The following SLCO3A1 variants were observed in gnomAD, a reference collection of about 807,000 sequenced individuals.
SLCO3A1 encodes the protein solute carrier organic anion transporter family member 3A1.
A neutral mutation model predicts 63.1 loss-of-function variants in SLCO3A1; 27 were observed. The observed-to-expected ratio is 0.43, with a 90% CI of 0.32 to 0.59. The LOEUF (loss-of-function observed/expected upper bound fraction) is 0.59, where lower values mean the gene tolerates loss of function less well. SLCO3A1 is among the 20% of genes least tolerant of loss of function. The pLI, the probability that SLCO3A1 is intolerant of heterozygous loss-of-function variation, is 0.09. For synonymous variants in SLCO3A1, 473 were observed against 409.9 expected (o/e 1.15, Z -1.86); for missense variants, 773 against 945.8 (o/e 0.82, Z 2.40).
intron 1 of SLCO3A1, among the ~76,000 whole-genome samples, chr15:91,889,797 A>G (rs1797127347): frequency 6.6e-6 from 1 of 152,250 alleles, no homozygotes; most frequent in Admixed American, 6.5e-5. Flanking sequence ...TGCATCATTC[A>G]TAACTGTTGT....
chr15:92,162,657 A>C, intron 9 of SLCO3A1, 99 bp from the exon 10 acceptor site: 1 of 1,505,772 alleles, frequency 6.6e-7, no homozygotes, highest in East Asian at 2.3e-5. Flanking sequence ...AGTCAGACAT[A>C]TTTGCCTAGC....
chr15:92,165,088 C>G lies in SLCO3A1; in HGVS notation c.*1953C>G, dbSNP rs2048482706. On this transcript the variant is annotated 3_prime_UTR_variant, in exon 10 of 10. Coordinates refer to ENST00000318445, the MANE Select transcript of SLCO3A1 (RefSeq NM_013272.4). Reference sequence around the variant, plus strand: ...GGTATGGTACCGAATTTTTAATGAACATTGTAAATGAAGAGGCTTGAATGA... The same window carrying G: ...GGTATGGTACCGAATTTTTAATGAAGATTGTAAATGAAGAGGCTTGAATGA... 1 of 985,140 alleles carries G rather than the reference C, an allele frequency of 1.0e-6. No individual in the cohort carries two copies. Among genetic ancestry groups the G allele is most frequent in the African/African-American group, 1.7e-5 (1 of 57,200 alleles). 61.0% of individuals were successfully genotyped at this position (985,140 alleles called of 1,614,324 possible). A position where few individuals can be genotyped will look rare whatever the true frequency, so the allele number is the denominator to read the frequency against.
At chr15:91,931,645 A>G (rs1269288856) in intron 2 of SLCO3A1, among the ~76,000 whole-genome samples, 2 of 151,756 alleles carry the variant, frequency 1.3e-5, no homozygotes, top group South Asian at 2.1e-4. Context: ...TAATTTTTGT[A>G]TTTTTGGTAG....
intron 2 of SLCO3A1, among the ~76,000 whole-genome samples, chr15:92,022,058 G>T (rs140544018): frequency 5.4e-4 from 82 of 152,274 alleles, no homozygotes; most frequent in African/African-American, 1.9e-3. Flanking sequence ...AGGAAATCCT[G>T]TCTGAAACCA....
intron 2 of SLCO3A1, among the ~76,000 whole-genome samples, chr15:91,998,929 A>G (rs1243989645): frequency 6.6e-6 from 1 of 152,250 alleles, no homozygotes; most frequent in Non-Finnish European, 1.5e-5. Context: ...GAAAATGTGC[A>G]TATACATCAT....
rs528007852 is a variant in SLCO3A1, at chr15:91,963,411, G to C, written c.646+46953G>C. ...TGAGGGTTTAACTCGGGGAGGGTGG[G>C]GGGGGGGGGCGGCAGCAGCCTGGGG... On this transcript the variant is annotated intron_variant, in intron 2 of 9. Transcript: ENST00000318445. Among the ~76,000 whole-genome samples the C allele has an allele frequency of 4.3e-4, 52 of 120,548 alleles. 2 individuals carry two copies. The highest frequency in any genetic ancestry group is 5.7e-4 in the Non-Finnish European group (33 of 57,882). 79.1% of individuals were successfully genotyped at this position (120,548 alleles called of 152,430 possible).
chr15:91,889,096 T>C lies in SLCO3A1; in HGVS notation c.181-26897T>C. ...TAGCTAACATTTGTGTACTTGTTAT[T>C]ACAGAATAAATATATTCCAGCTAAG... On this transcript the variant is annotated intron_variant, in intron 1 of 9. Transcript: ENST00000318445. The C allele has an allele frequency of 2.5e-6, 3 of 1,184,472 alleles. No homozygotes were observed. In the South Asian group the frequency reaches 4.3e-5, roughly 17 times the overall value. The allele number at this position is 1,184,472 out of a possible 1,614,324, so 73.4% of individuals were successfully genotyped here. A position where few individuals can be genotyped will look rare whatever the true frequency, so the allele number is the denominator to read the frequency against.
At chr15:92,068,205 T>C (rs572211888) in intron 2 of SLCO3A1, among the ~76,000 whole-genome samples, 259 of 152,354 alleles carry the variant, frequency 1.7e-3, no homozygotes, top group Non-Finnish European at 3.1e-3. Context: ...AAGCTATTTG[T>C]GTCTTTCATA....
chr15:92,060,888 T>C lies in SLCO3A1; in HGVS notation c.647-33993T>C, dbSNP rs149917645. ...TAAAACATACACATTAACCTTGGCC[T>C]ACCCAGAATCAGGATCATCAAGACA... On this transcript the variant is annotated intron_variant, in intron 2 of 9. Coordinates refer to ENST00000318445, the MANE Select transcript of SLCO3A1 (RefSeq NM_013272.4). Among the ~76,000 whole-genome samples the C allele has an allele frequency of 3.5e-4, 53 of 152,348 alleles. No homozygotes were observed. The East Asian group carries it at 0.01, about 29-fold the overall frequency.
At chr15:91,970,610 T>C (rs1266280453) in intron 2 of SLCO3A1, among the ~76,000 whole-genome samples, 1 of 152,196 alleles carries the variant, frequency 6.6e-6, no homozygotes, top group Non-Finnish European at 1.5e-5. Context: ...GGAGCCCTAA[T>C]GAAACAACAT....
In SLCO3A1 at chr15:91,856,063, T is replaced by C. The variant is rs768492100; in HGVS notation, c.180+1975T>C. 6.6e-6 allele frequency among the ~76,000 whole-genome samples: 1 copy of C among 151,798 alleles called. No homozygotes were observed. Among genetic ancestry groups the C allele is most frequent in the African/African-American group, 2.4e-5 (1 of 41,284 alleles). ...AGAAAGTTAAGAAGCCGAGTACTCC[T>C]GGAGTGGTGGACTTCTGGAGGCAGG... On this transcript the variant is annotated intron_variant, in intron 1 of 9. Transcript: ENST00000318445. This position sits in a 1 kb window ranked among gnomAD's most constrained non-coding sequence, Gnocchi z 4.9.
At chr15:91,951,077 G>T (rs1006701273) in intron 2 of SLCO3A1, among the ~76,000 whole-genome samples, 11 of 152,134 alleles carry the variant, frequency 7.2e-5, no homozygotes, top group Non-Finnish European at 2.9e-5. Flanking sequence ...TATTGAGATA[G>T]AATTCACATA....
In SLCO3A1 at chr15:92,095,994, T is replaced by G. The variant is rs145400359; in HGVS notation, c.745+1015T>G. Among the ~76,000 whole-genome samples, 228 of 152,338 alleles carry G rather than the reference T, an allele frequency of 1.5e-3. 1 individual carries two copies. The highest frequency in any genetic ancestry group is 4.8e-3 in the African/African-American group (200 of 41,568). ...GCTGCATAAGAAATAACCCCAAACC[T>G]AATGACCTAAAACAGCAGACATTTC... On this transcript the variant is annotated intron_variant, in intron 3 of 9. Coordinates refer to ENST00000318445, the MANE Select transcript of SLCO3A1 (RefSeq NM_013272.4).
At chr15:92,171,453 C>G (rs993392360) in intron 10 of SLCO3A1, 3 of 236,238 alleles carry the variant, frequency 1.3e-5, no homozygotes, top group African/African-American at 6.8e-5. Context: ...CAAGGTCTGT[C>G]ACTAGTAATT....
At chr15:91,918,013 C>T (rs912916109) in intron 2 of SLCO3A1, among the ~76,000 whole-genome samples, 5 of 152,190 alleles carry the variant, frequency 3.3e-5, no homozygotes. Flanking sequence ...AATTTCTCCC[C>T]AGAGTCACCC....
At chr15:91,880,170 C>CATCCATCTATCTATCT (rs1337739872) in intron 1 of SLCO3A1, among the ~76,000 whole-genome samples, 17 of 126,270 alleles carry the variant, frequency 1.3e-4, no homozygotes, top group Admixed American at 7.4e-4. Flanking sequence ...TCCATCCATC[C>CATCCATCTATCTATCT]ATCTATCTAT....
chr15:92,130,884 G>GAAAAA, intron 7 of SLCO3A1, among the ~76,000 whole-genome samples: 1 of 107,328 alleles, frequency 9.3e-6, no homozygotes, highest in Non-Finnish European at 1.7e-5. Context: ...CAAGTTCGGG[G>GAAAAA]CAAAAAAAAA....
Position 92,129,420 on chromosome 15 carries a change from G to A in SLCO3A1, c.1512+931G>A, listed in dbSNP as rs190596862. The stretch of plus-strand genomic sequence containing the variant: ...TCCAGCTGGACAGGTCCTACTCACC[G>A]GTCAGTAGCCTCCTCCAATGTCCCC... On this transcript the variant is annotated intron_variant, in intron 7 of 9. Coordinates refer to ENST00000318445, the MANE Select transcript of SLCO3A1 (RefSeq NM_013272.4). Among the ~76,000 whole-genome samples the A allele has an allele frequency of 2.6e-3, 394 of 152,162 alleles. 2 individuals carry two copies. The highest frequency in any genetic ancestry group is 8.7e-3 in the African/African-American group (363 of 41,504).
chr15:91,869,962 G>C (rs1897249669), intron 1 of SLCO3A1, among the ~76,000 whole-genome samples: 1 of 152,172 alleles, frequency 6.6e-6, no homozygotes, highest in Non-Finnish European at 1.5e-5. Context: ...TGTGCATCCT[G>C]AGGGCTGTTC....
Sources: allele counts gnomAD v4.1 joint callset (sites outside exome capture counted in the v4.1 genomes callset), GRCh38; gene constraint gnomAD v4.1.1; non-coding constraint Gnocchi (gnomAD v3.1); transcripts MANE v1.5; gene names NCBI Gene and HGNC (gene_info 2026-07-23, HGNC 2026-07-21).